The following PREX1 variants were observed in gnomAD, a reference collection of about 807,000 sequenced individuals.
PREX1 encodes the protein phosphatidylinositol-3,4,5-trisphosphate dependent Rac exchange factor 1, also known as phosphatidylinositol 3,4,5-trisphosphate-dependent Rac exchanger 1 protein.
PREX1 carries 41 observed loss-of-function variants against 198.3 expected under a neutral mutation model. That is an observed-to-expected ratio of 0.21 (90% CI 0.16 to 0.27). PREX1 has a LOEUF of 0.27. Ranked by LOEUF, PREX1 falls within the 10% of genes least tolerant of loss-of-function variation. PREX1 has a pLI of 1.00. For synonymous variants in PREX1, 843 were observed against 887.2 expected (o/e 0.95, Z 0.89); for missense variants, 1,620 against 2,200.7 (o/e 0.74, Z 5.28).
intron 1 of PREX1, among the ~76,000 whole-genome samples, chr20:48,807,452 G>C (rs1184797921): frequency 1.3e-5 from 2 of 152,144 alleles, no homozygotes; most frequent in Non-Finnish European, 2.9e-5. Flanking sequence ...CCAACATGTG[G>C]ATCAACAACC....
Position 48,738,927 on chromosome 20 carries a change from C to T in PREX1, c.415-4277G>A, listed in dbSNP as rs566439901. ...GGGAGGAGAGAAGTGAGAATCAGGT[C>T]TCAGTTTCTCAACAGTCTCCCCAAA... On this transcript the variant is annotated intron_variant, in intron 3 of 39. Transcript: ENST00000371941. 1.2e-4 allele frequency among the ~76,000 whole-genome samples: 18 copies of T among 152,288 alleles called. No individual in the cohort carries two copies. In the South Asian group the frequency reaches 3.7e-3, roughly 32 times the overall value.
At chr20:48,840,439 C>A in the PREX1 span, among the ~76,000 whole-genome samples, 3 of 152,036 alleles carry the variant, frequency 2.0e-5, no homozygotes, top group Admixed American at 2.0e-4. Context: ...CCATGATGAA[C>A]CTCCTCATAC....
At chr20:48,828,308 C>T (rs1686039750), upstream of PREX1, among the ~76,000 whole-genome samples, 1 of 151,924 alleles carries the variant, frequency 6.6e-6, no homozygotes, top group African/African-American at 2.4e-5. Context: ...ACTCCGCGCC[C>T]GGACGCGTGG....
intron 1 of PREX1, among the ~76,000 whole-genome samples, chr20:48,807,903 G>A (rs1205425479): frequency 6.6e-6 from 1 of 152,076 alleles, no homozygotes; most frequent in Non-Finnish European, 1.5e-5. Context: ...GGGTGTGGGG[G>A]AGCAGGCTGT....
At chr20:48,774,627 A>G (rs2090252455) in intron 1 of PREX1, among the ~76,000 whole-genome samples, 1 of 152,238 alleles carries the variant, frequency 6.6e-6, no homozygotes, top group South Asian at 2.1e-4. Flanking sequence ...CTGGAAACCC[A>G]GATAAAGATG....
the PREX1 span, among the ~76,000 whole-genome samples, chr20:48,833,839 T>A: frequency 6.6e-6 from 1 of 152,078 alleles, no homozygotes; most frequent in African/African-American, 2.4e-5. Context: ...ATCCCAGCAC[T>A]TTGGGAGGCC....
At chr20:48,657,762 C>A (rs1025950421) in intron 17 of PREX1, among the ~76,000 whole-genome samples, 2 of 152,058 alleles carry the variant, frequency 1.3e-5, no homozygotes, top group African/African-American at 4.8e-5. Context: ...GCCAGCCACA[C>A]CCTCACTCTC....
intron 5 of PREX1, among the ~76,000 whole-genome samples, chr20:48,708,799 T>C (rs1320250834): frequency 6.6e-6 from 1 of 152,084 alleles, no homozygotes; most frequent in Non-Finnish European, 1.5e-5. Flanking sequence ...GGCGGGCACA[T>C]GTCTGGTATG....
At chr20:48,777,993 G>A (rs1339855389) in intron 1 of PREX1, among the ~76,000 whole-genome samples, 1 of 152,156 alleles carries the variant, frequency 6.6e-6, no homozygotes, top group Admixed American at 6.6e-5. Flanking sequence ...AAGCTGGCCA[G>A]GAGTAGTACA....
intron 5 of PREX1, among the ~76,000 whole-genome samples, chr20:48,721,837 G>A (rs1046789108): frequency 6.6e-6 from 1 of 152,146 alleles, no homozygotes; most frequent in Non-Finnish European, 1.5e-5. Context: ...CAGAGTCTGA[G>A]AGCAGAGCCG....
Position 48,627,972 on chromosome 20 carries a change from G to A in PREX1, c.4767-9C>T, listed in dbSNP as rs567482128. 2.2e-5 allele frequency: 35 copies of A among 1,604,172 alleles called. No homozygotes were observed. The South Asian group carries it at 3.2e-4, about 15-fold the overall frequency. ...ACACGCTCAGGGTGCTCCTGCAGCA[G>A]GGGAGGGAGGACAGCGGGTTGGCGG... On this transcript the variant is annotated splice_polypyrimidine_tract_variant and intron_variant, in intron 37 of 39. Transcript: ENST00000371941.
intron 5 of PREX1, among the ~76,000 whole-genome samples, chr20:48,713,060 G>T (rs1258535236): frequency 2.6e-5 from 4 of 152,168 alleles, no homozygotes; most frequent in African/African-American, 9.7e-5. Flanking sequence ...GGAGGCGGAG[G>T]TTGCAGTGAG....
the PREX1 span, among the ~76,000 whole-genome samples, chr20:48,864,322 A>C: frequency 1.3e-5 from 2 of 152,210 alleles, no homozygotes; most frequent in African/African-American, 4.8e-5. Flanking sequence ...AGGAGACACC[A>C]CTGGGAACAA....
intron 1 of PREX1, among the ~76,000 whole-genome samples, chr20:48,770,796 C>A (rs2090231921): frequency 2.6e-5 from 4 of 152,260 alleles, no homozygotes; most frequent in Admixed American, 2.6e-4. Context: ...ACAAGGCAAC[C>A]CCTTGGCAGC....
chr20:48,634,175 C>CATGGATGGATGGATGCATGG (rs1555829166), intron 33 of PREX1, among the ~76,000 whole-genome samples: 57 of 75,060 alleles, frequency 7.6e-4, no homozygotes, highest in East Asian at 2.0e-3. Context: ...TGGATGGATG[C>CATGGATGGATGGATGCATGG]ATGGATGGAT....
At chr20:48,664,448 T>G (rs1262485332) in intron 15 of PREX1, among the ~76,000 whole-genome samples, 1 of 151,038 alleles carries the variant, frequency 6.6e-6, no homozygotes, top group Non-Finnish European at 1.5e-5. Context: ...TAGCTGGGGT[T>G]GTGGGGAGGC....
At chr20:48,690,800 G>T in intron 9 of PREX1, 147 bp downstream of exon 9, 4 of 1,155,242 alleles carry the variant, frequency 3.5e-6, no homozygotes, top group Non-Finnish European at 4.8e-6. Context: ...TAGTCCCAGA[G>T]CTCCCTGTCC....
rs371523230 is a variant in PREX1, at chr20:48,658,256, G to C, written c.1882-28C>G. ...GGGGGCCCAGGGCAGAAGGAACCCG[G>C]TCAGGGAGCGAGGTGGGCCTACGGC... On this transcript the variant is annotated intron_variant, in intron 16 of 39. Coordinates refer to ENST00000371941, the MANE Select transcript of PREX1 (RefSeq NM_020820.4). 618 of 1,610,414 alleles carry C rather than the reference G, an allele frequency of 3.8e-4. 1 individual carries two copies. Among genetic ancestry groups the C allele is most frequent in the Non-Finnish European group, 5.0e-4 (591 of 1,177,668 alleles).
chr20:48,868,924 T>C, the PREX1 span, among the ~76,000 whole-genome samples: 2 of 152,146 alleles, frequency 1.3e-5, no homozygotes, highest in Non-Finnish European at 2.9e-5. Flanking sequence ...TCACCCAGGC[T>C]GGAGTGCAGT....
Sources: allele counts gnomAD v4.1 joint callset (sites outside exome capture counted in the v4.1 genomes callset), GRCh38; gene constraint gnomAD v4.1.1; transcripts MANE v1.5; gene names NCBI Gene and HGNC (gene_info 2026-07-23, HGNC 2026-07-21).